PPP6C: variants seen among roughly 807,000 people sequenced by gnomAD.
PPP6C encodes protein phosphatase 6 catalytic subunit.
A neutral mutation model predicts 39.8 loss-of-function variants in PPP6C; 11 were observed. That is an observed-to-expected ratio of 0.28 (90% CI 0.17 to 0.46). PPP6C has a LOEUF of 0.46. PPP6C is among the 20% of genes least tolerant of loss of function. The pLI is 1.00. For missense variants in PPP6C, 211 were observed against 373.9 expected (o/e 0.56, Z 3.59); for synonymous variants, 129 against 130.3 (o/e 0.99, Z 0.07).
intron 1 of PPP6C, among the ~76,000 whole-genome samples, chr9:125,175,070 G>A (rs927117562): frequency 9.2e-5 from 14 of 151,770 alleles, no homozygotes; most frequent in African/African-American, 2.2e-4. Flanking sequence ...TTAGCTGGGC[G>A]TGGTGGCAGG....
At chr9:125,178,230 G>A (rs922141819) in intron 1 of PPP6C, among the ~76,000 whole-genome samples, 2 of 152,196 alleles carry the variant, frequency 1.3e-5, no homozygotes, top group South Asian at 2.1e-4. Context: ...CTGCCAAACC[G>A]TCTTCCAAAG....
intron 1 of PPP6C, among the ~76,000 whole-genome samples, chr9:125,171,458 T>TAC (rs1192828575): frequency 3.1e-5 from 1 of 32,306 alleles, no homozygotes; most frequent in Non-Finnish European, 6.5e-5. Flanking sequence ...CACACACACA[T>TAC]ATACACACAC....
intron 1 of PPP6C, among the ~76,000 whole-genome samples, chr9:125,176,571 C>T (rs1007784703): frequency 1.3e-5 from 2 of 152,114 alleles, no homozygotes; most frequent in African/African-American, 2.4e-5. Flanking sequence ...GTGCAAGGAT[C>T]GCTTGAGCCC....
At position 125,189,775 on chromosome 9, in the gene PPP6C, G is replaced by A. The variant is rs1387553617; in HGVS notation, c.-57C>T. The A allele has an allele frequency of 1.6e-5, 24 of 1,536,790 alleles. No individual in the cohort carries two copies. The highest frequency in any genetic ancestry group is 2.4e-5 in the East Asian group (1 of 40,968). The stretch of plus-strand genomic sequence containing the variant: ...GGCGGCGGCTGTAGCAGCGGCGGCG[G>A]CAGCGGCGGAGGCCGAAGCCGGAAC... On this transcript the variant is annotated 5_prime_UTR_variant, in exon 1 of 7. Transcript: ENST00000373547.
chr9:125,149,958 T>A, intron 6 of PPP6C, 37 bp from the exon 7 acceptor site: 1 of 1,593,054 alleles, frequency 6.3e-7, no homozygotes. Flanking sequence ...ACTTAGCACT[T>A]AAAAAACAAT....
chr9:125,163,375 T>C (rs1828931466), intron 2 of PPP6C, among the ~76,000 whole-genome samples: 2 of 152,204 alleles, frequency 1.3e-5, no homozygotes, highest in South Asian at 4.1e-4. Flanking sequence ...AATAAAAATA[T>C]GGTAGAAGAG....
At position 125,189,709 on chromosome 9, in the gene PPP6C, G is replaced by C. The variant is rs761639244; in HGVS notation, c.10C>G (p.Leu4Val). The C allele has an allele frequency of 6.3e-7, 1 of 1,589,054 alleles. No homozygotes were observed. Among genetic ancestry groups the C allele is most frequent in the Non-Finnish European group, 8.5e-7 (1 of 1,171,934 alleles). The change falls in exon 1 of 7, where the codon CTA (leucine) becomes GTA (valine). Residue 4 changes from leucine (L) to valine (V), a missense_variant. Physicochemically the swap from Leu to Val is conservative, Grantham distance 32. This residue lies in a region of PPP6C where 43 missense variants were observed against 31.3 expected (regional missense o/e 1.38). Transcript: ENST00000373547. The stretch of plus-strand genomic sequence containing the variant: ...ATTTCCACATACTTGTCCAGGTCTA[G>C]CGGCGCCATTTTAAGAATAACAAGC... MAPLDLDKYVEIAR... is the reference protein window; with the variant it reads MAPVDLDKYVEIAR...
chr9:125,157,146 C>G (rs550011362), intron 4 of PPP6C, among the ~76,000 whole-genome samples: 1 of 136,782 alleles, frequency 7.3e-6, no homozygotes, highest in Non-Finnish European at 1.6e-5. Context: ...TACCAGTGCC[C>G]GGCTAATTTT....
At chr9:125,188,923 T>C in intron 1 of PPP6C, 3 of 1,548,930 alleles carry the variant, frequency 1.9e-6, no homozygotes, top group Non-Finnish European at 2.6e-6. Flanking sequence ...ACTCACCTCC[T>C]TTAGAAAACG....
At chr9:125,183,679 T>C (rs1227281935) in intron 1 of PPP6C, among the ~76,000 whole-genome samples, 1 of 152,200 alleles carries the variant, frequency 6.6e-6, no homozygotes, top group East Asian at 1.9e-4. Flanking sequence ...GCAAATTACA[T>C]TATACTATTG....
intron 2 of PPP6C, among the ~76,000 whole-genome samples, chr9:125,164,633 C>G (rs1564150988): frequency 6.6e-6 from 1 of 152,106 alleles, no homozygotes; most frequent in Non-Finnish European, 1.5e-5. Context: ...GATGGAGGCT[C>G]ACTATATTGC....
intron 2 of PPP6C, among the ~76,000 whole-genome samples, chr9:125,167,379 CAAAAAA>C (rs758123351): frequency 4.1e-4 from 23 of 56,098 alleles, no homozygotes; most frequent in African/African-American, 1.6e-3. Context: ...AGACCCTGTC[CAAAAAA>C]AAAAAAAAAA....
chr9:125,168,882 TC>T (rs1175742407), intron 2 of PPP6C, among the ~76,000 whole-genome samples: 3 of 152,102 alleles, frequency 2.0e-5, no homozygotes, highest in African/African-American at 7.2e-5. Context: ...TGCCTCAGCC[TC>T]CCAAGTAGCT....
chr9:125,150,702 A>G, intron 6 of PPP6C: 1 of 885,320 alleles, frequency 1.1e-6, no homozygotes, highest in Non-Finnish European at 1.8e-6. Context: ...ATCTCAGAAA[A>G]CTGCCGATCG....
chr9:125,183,887 C>T lies in PPP6C; in HGVS notation c.75+5757G>A, dbSNP rs552395518. Among the ~76,000 whole-genome samples the T allele has an allele frequency of 4.6e-5, 7 of 152,248 alleles. 1 individual carries two copies. In the South Asian group the frequency reaches 1.4e-3, roughly 32 times the overall value. Reference sequence around the variant, plus strand: ...ACCTCCCTTACTATATTGAAAGCCCCTCAAAGGCAGACACAAGTATCCAAT... The same window carrying T: ...ACCTCCCTTACTATATTGAAAGCCCTTCAAAGGCAGACACAAGTATCCAAT... On this transcript the variant is annotated intron_variant, in intron 1 of 6. Coordinates refer to ENST00000373547, the MANE Select transcript of PPP6C (RefSeq NM_002721.5).
chr9:125,158,264 A>G lies in PPP6C; in HGVS notation c.356T>C (p.Ile119Thr). 6.2e-7 allele frequency: 1 copy of G among 1,608,812 alleles called. No individual in the cohort carries two copies. Among genetic ancestry groups the G allele is most frequent in the Non-Finnish European group, 8.5e-7 (1 of 1,175,534 alleles). ...ACCATAAAATCCATAGACCTGTGTT[A>G]TCTGTCTACTCTCATGATTTCCTCG... ...LLRGNHESRQ[I>T]TQVYGFYDEC... is the part of the protein sequence containing the mutation. The change falls in exon 4 of 7, where the codon ATA becomes ACA. Residue 119 changes from isoleucine to threonine, a missense_variant. Physicochemically the swap from Ile to Thr is moderately conservative, Grantham distance 89. This residue lies in a region of PPP6C where 168 missense variants were observed against 342.6 expected (regional missense o/e 0.49). Coordinates refer to ENST00000373547, the MANE Select transcript of PPP6C (RefSeq NM_002721.5).
At chr9:125,178,825 G>A (rs192445927) in intron 1 of PPP6C, among the ~76,000 whole-genome samples, 150 of 152,264 alleles carry the variant, frequency 9.9e-4, no homozygotes, top group Non-Finnish European at 9.0e-4. Flanking sequence ...TGGTGAAAGT[G>A]TAATTTAGCA....
chr9:125,171,474 C>T (rs1233796120), intron 1 of PPP6C, among the ~76,000 whole-genome samples: 513 of 30,600 alleles, frequency 0.017, 13 homozygotes, highest in Admixed American at 0.094. Context: ...CACACACACA[C>T]ACACATATAT....
At chr9:125,183,996 C>T (rs1192948488) in intron 1 of PPP6C, among the ~76,000 whole-genome samples, 1 of 152,224 alleles carries the variant, frequency 6.6e-6, no homozygotes, top group Non-Finnish European at 1.5e-5. Flanking sequence ...CAGTGGCTCA[C>T]ACCTATAATC....
Sources: allele counts gnomAD v4.1 joint callset (sites outside exome capture counted in the v4.1 genomes callset), GRCh38; gene constraint gnomAD v4.1.1; regional missense constraint gnomAD v4.1.1; transcripts MANE v1.5; gene names NCBI Gene and HGNC (gene_info 2026-07-23, HGNC 2026-07-21).